SCN8A: variants seen among roughly 807,000 people sequenced by gnomAD.
SCN8A encodes sodium channel protein type 8 subunit alpha.
A neutral mutation model predicts 184.1 loss-of-function variants in SCN8A; 30 were observed. That is an observed-to-expected ratio of 0.16 (90% confidence interval 0.12 to 0.22). The LOEUF is 0.22. Ranked by LOEUF, SCN8A falls within the 10% of genes least tolerant of loss-of-function variation. The pLI, the probability that SCN8A is intolerant of heterozygous loss-of-function variation, is 1.00. For synonymous variants in SCN8A, 852 were observed against 907.0 expected, an observed-to-expected ratio of 0.94 and a Z score of 1.09; for missense variants, 1,057 against 2,498.9, an observed-to-expected ratio of 0.42 and a Z score of 12.30.
intron 1 of SCN8A, among the ~76,000 whole-genome samples, chr12:51,657,913 A>G (rs758105544): frequency 5.7e-4 from 87 of 152,198 alleles, no homozygotes; most frequent in Non-Finnish European, 9.9e-4. Flanking sequence ...CTTTGTCAAA[A>G]TTCAGTTGGC....
In SCN8A at chr12:51,786,566, G is replaced by A. The variant is rs794727361; in HGVS notation, c.3967G>A (p.Ala1323Thr). 1 of 1,614,086 alleles carries A rather than the reference G, an allele frequency of 6.2e-7. No homozygotes were observed. The highest frequency in any genetic ancestry group is 1.3e-5 in the African/African-American group (1 of 75,008). The change falls in exon 22 of 27, where the codon GCC becomes ACC. Residue 1323 changes from alanine (A) to threonine (T), a missense_variant. Physicochemically the swap from Ala to Thr is moderately conservative, Grantham distance 58. Coordinates refer to ENST00000627620, the MANE Select transcript of SCN8A (RefSeq NM_001330260.2). ...MRVVVNALVG[A>T]IPSIMNVLLV... ...GGTGGTGGTGAATGCCTTGGTGGGC[G>A]CCATCCCCTCCATCATGAATGTGCT...
chr12:51,620,407 G>A (rs1182383899), intron 1 of SCN8A, among the ~76,000 whole-genome samples: 6 of 152,054 alleles, frequency 3.9e-5, no homozygotes, highest in Admixed American at 6.6e-5. Context: ...TTATATGGGA[G>A]GACTCTACTT....
At chr12:51,712,952 C>T (rs1941905299) in intron 11 of SCN8A, 1 of 1,594,346 alleles carries the variant, frequency 6.3e-7, no homozygotes, top group Non-Finnish European at 8.6e-7. Context: ...TTGCCAGATC[C>T]ACCTCCACGA....
intron 11 of SCN8A, chr12:51,713,203 T>A (rs1941910155): frequency 8.5e-7 from 1 of 1,173,780 alleles, no homozygotes. Flanking sequence ...CTTTGTATCT[T>A]CTGTAATACC....
intron 2 of SCN8A, among the ~76,000 whole-genome samples, chr12:51,681,758 T>C (rs1941337852): frequency 6.6e-6 from 1 of 152,210 alleles, no homozygotes; most frequent in Non-Finnish European, 1.5e-5. Context: ...TACTTTTCCA[T>C]TGGGAAGAGA....
intron 15 of SCN8A, among the ~76,000 whole-genome samples, chr12:51,763,433 TA>T (rs1421178035): frequency 3.9e-5 from 6 of 152,192 alleles, no homozygotes; most frequent in Non-Finnish European, 7.4e-5. Context: ...TGATGTTCAG[TA>T]GGTTACGTAT....
intron 21 of SCN8A, among the ~76,000 whole-genome samples, chr12:51,782,075 A>C (rs961056801): frequency 6.6e-6 from 1 of 152,170 alleles, no homozygotes; most frequent in Non-Finnish European, 1.5e-5. Flanking sequence ...TTTTGCAACA[A>C]ATTCATGTTT....
intron 2 of SCN8A, among the ~76,000 whole-genome samples, chr12:51,674,801 A>T (rs944093124): frequency 6.6e-6 from 1 of 152,182 alleles, no homozygotes; most frequent in Admixed American, 6.5e-5. Context: ...TTTAATCTTT[A>T]TAACAACCTG....
At chr12:51,712,969 C>G (rs183623353) in intron 11 of SCN8A, 205 of 1,588,476 alleles carry the variant, frequency 1.3e-4, no homozygotes, top group Non-Finnish European at 1.6e-4. Context: ...ACGACCTGTC[C>G]GTGATCCAGC....
intron 1 of SCN8A, among the ~76,000 whole-genome samples, chr12:51,661,351 G>T (rs927368317): frequency 6.6e-6 from 1 of 152,182 alleles, no homozygotes; most frequent in African/African-American, 2.4e-5. Context: ...CAAACTTGTG[G>T]TTATGGCCTC....
intron 2 of SCN8A, among the ~76,000 whole-genome samples, chr12:51,672,919 G>A (rs1941157748): frequency 6.6e-6 from 1 of 152,176 alleles, no homozygotes; most frequent in African/African-American, 2.4e-5. Flanking sequence ...ACTAATATGT[G>A]GTAGAGTCAG....
intron 11 of SCN8A, chr12:51,712,988 T>C (rs1307452898): frequency 1.7e-5 from 27 of 1,589,368 alleles, no homozygotes; most frequent in Non-Finnish European, 2.3e-5. Context: ...GCGGACTGCA[T>C]CTCTTGTTTA....
At chr12:51,633,459 CTGTT>C (rs142255305) in intron 1 of SCN8A, among the ~76,000 whole-genome samples, 1,649 of 152,358 alleles carry the variant, frequency 0.011, 41 homozygotes, top group African/African-American at 0.038. Context: ...TCTTCATCAA[CTGTT>C]TGGCCGAGGA....
intron 4 of SCN8A, 109 bp downstream of exon 4, chr12:51,686,566 T>C: frequency 1.4e-6 from 1 of 694,916 alleles, no homozygotes; most frequent in Non-Finnish European, 2.5e-6. Flanking sequence ...AGTTATTGCC[T>C]CTCTTTATTT....
At chr12:51,739,326 A>G (rs1487755650) in intron 12 of SCN8A, among the ~76,000 whole-genome samples, 2 of 151,990 alleles carry the variant, frequency 1.3e-5, no homozygotes, top group Non-Finnish European at 2.9e-5. Flanking sequence ...TAGAACTAAG[A>G]GCCGTCACTC....
chr12:51,677,251 A>AT (rs1005916389), intron 2 of SCN8A, among the ~76,000 whole-genome samples: 1 of 151,210 alleles, frequency 6.6e-6, no homozygotes. Context: ...TTCCCAGCAA[A>AT]TTTTTTTTAT....
intron 1 of SCN8A, among the ~76,000 whole-genome samples, chr12:51,624,796 G>C (rs372376961): frequency 1.3e-5 from 2 of 152,084 alleles, no homozygotes; most frequent in Admixed American, 6.6e-5. Flanking sequence ...TGTATAAGGT[G>C]TAAGGAAGGG....
rs377396450 is a variant in SCN8A at position 51,765,712 on chromosome 12, C to T, written c.2586C>T (p.Asn862=). ...FKLAKSWPTL[N]MLIKIIGNSV... is the part of the protein sequence containing the mutation. ...TGGCCAAATCCTGGCCCACCCTGAA[C>T]ATGCTAATCAAGATTATTGGAAATT... The change falls in exon 16 of 27, where the codon AAC becomes AAT. Residue 862 remains asparagine, a synonymous_variant. Coordinates refer to ENST00000627620, the MANE Select transcript of SCN8A (RefSeq NM_001330260.2). 1.8e-5 allele frequency: 29 copies of T among 1,610,120 alleles called. No individual in the cohort carries two copies. The African/African-American group carries it at 3.6e-4, about 20-fold the overall frequency.
chr12:51,606,116 T>C (rs573524763), intron 1 of SCN8A, among the ~76,000 whole-genome samples: 11 of 152,336 alleles, frequency 7.2e-5, no homozygotes, highest in African/African-American at 2.6e-4. Context: ...CTATTATCTT[T>C]GTTTTTATTG....
Sources: allele counts gnomAD v4.1 joint callset (sites outside exome capture counted in the v4.1 genomes callset), GRCh38; gene constraint gnomAD v4.1.1; transcripts MANE v1.5; gene names NCBI Gene and HGNC (gene_info 2026-07-23, HGNC 2026-07-21).